The following TULP4 variants were observed in gnomAD, a reference collection of about 807,000 sequenced individuals.
TULP4 encodes the protein TUB like protein 4.
TULP4 carries 16 observed loss-of-function variants against 129.0 expected under a neutral mutation model. That is an observed-to-expected ratio of 0.12 (90% confidence interval 0.08 to 0.19). The LOEUF (loss-of-function observed/expected upper bound fraction) is 0.19. Among genes scored for constraint, TULP4 ranks in the 10% least tolerant of loss-of-function variants. The pLI, the probability that TULP4 is intolerant of heterozygous loss-of-function variation, is 1.00. For synonymous variants in TULP4, 998 were observed against 854.0 expected, an observed-to-expected ratio of 1.17 and a Z score of -2.94; for missense variants, 1,842 against 2,059.1, an observed-to-expected ratio of 0.89 and a Z score of 2.04.
chr6:158,270,481 A>T (rs992615994), intron 1 of TULP4, among the ~76,000 whole-genome samples: 3 of 151,968 alleles, frequency 2.0e-5, no homozygotes, highest in African/African-American at 7.3e-5. Context: ...CTGGACTTCG[A>T]TGAGTTTTGC....
chr6:158,427,478 T>C (rs1412036824), intron 2 of TULP4, among the ~76,000 whole-genome samples: 1 of 18,822 alleles, frequency 5.3e-5, no homozygotes, highest in Non-Finnish European at 1.5e-4. Context: ...GACCTTTTTT[T>C]TTTTTTTTTT....
At chr6:158,497,117 T>C (rs1038356234) in intron 11 of TULP4, among the ~76,000 whole-genome samples, 1 of 152,236 alleles carries the variant, frequency 6.6e-6, no homozygotes, top group Non-Finnish European at 1.5e-5. Context: ...CCTCTCAAAG[T>C]GCTGGAATTA....
intron 5 of TULP4, among the ~76,000 whole-genome samples, chr6:158,452,760 G>A (rs992340081): frequency 1.3e-5 from 2 of 152,216 alleles, no homozygotes; most frequent in Non-Finnish European, 2.9e-5. Context: ...ACTAGACTGA[G>A]GCATTGTTGT....
In TULP4 at chr6:158,407,280, C is replaced by T. The variant is rs573406797; in HGVS notation, c.253-5785C>T. On this transcript the variant is annotated intron_variant, in intron 1 of 13. Transcript: ENST00000367097. ...CCACCAAGCACATGAGAAGATGCTC[C>T]GCATCATTAACCATCAGGGAAACAC... is the stretch of plus-strand genomic sequence containing the variant. Among the ~76,000 whole-genome samples, 171 of 152,306 alleles carry T rather than the reference C, an allele frequency of 1.1e-3. 1 individual carries two copies. The highest frequency in any genetic ancestry group is 1.9e-3 in the East Asian group (10 of 5,190).
intron 1 of TULP4, among the ~76,000 whole-genome samples, chr6:158,334,142 G>A (rs765609137): frequency 1.3e-5 from 2 of 152,094 alleles, no homozygotes; most frequent in Admixed American, 6.6e-5. Flanking sequence ...CTCCTGTTTC[G>A]TGCAATACTG....
chr6:158,258,754 G>A (rs1214071660), intron 1 of TULP4, among the ~76,000 whole-genome samples: 2 of 152,182 alleles, frequency 1.3e-5, no homozygotes, highest in East Asian at 3.8e-4. Flanking sequence ...TTGAAAATTT[G>A]AACCTGCTGA....
intron 3 of TULP4, among the ~76,000 whole-genome samples, 164 bp downstream of exon 3, chr6:158,430,061 G>T (rs1373801636): frequency 6.6e-6 from 1 of 151,994 alleles, no homozygotes. Context: ...AATTCTAAAT[G>T]AACCATAAAT....
At position 158,502,090 on chromosome 6, in the gene TULP4, G is replaced by A. The variant is rs149293862; in HGVS notation, c.2427G>A (p.Pro809=). ...CAGCCAAGGCCCTGCGGCCAACACCGCAGCTGGCAGCTGAGGGGGACGCAG... is the reference window on the plus strand; with the variant it reads ...CAGCCAAGGCCCTGCGGCCAACACCACAGCTGGCAGCTGAGGGGGACGCAG... The part of the protein sequence containing the change: ...QKSAKALRPT[P]QLAAEGDAVV... Residue 809 remains proline (P), a synonymous_variant, in exon 13 of 14, where the codon CCG becomes CCA. Transcript: ENST00000367097. 118 of 1,611,322 alleles carry A rather than the reference G, an allele frequency of 7.3e-5. No homozygotes were observed. Among genetic ancestry groups the A allele is most frequent in the Non-Finnish European group, 8.9e-5 (105 of 1,178,668 alleles).
intron 1 of TULP4, among the ~76,000 whole-genome samples, chr6:158,266,334 G>A (rs1778445169): frequency 6.6e-6 from 1 of 152,240 alleles, no homozygotes; most frequent in African/African-American, 2.4e-5. Context: ...ACGACTCACT[G>A]CAGCCTTGAC....
intron 5 of TULP4, among the ~76,000 whole-genome samples, chr6:158,459,602 C>T (rs1455534248): frequency 6.9e-6 from 1 of 145,696 alleles, no homozygotes; most frequent in Non-Finnish European, 1.6e-5. Context: ...GGCAACAACC[C>T]ACTTTTCTGT....
At chr6:158,437,042 C>T (rs749829282) in intron 3 of TULP4, among the ~76,000 whole-genome samples, 5 of 152,172 alleles carry the variant, frequency 3.3e-5, no homozygotes, top group Non-Finnish European at 7.3e-5. Flanking sequence ...CAGCTAAGCA[C>T]TGTCAGATCA....
At chr6:158,429,639 T>G in intron 2 of TULP4, 97 bp from the exon 3 acceptor site, 1 of 1,355,160 alleles carries the variant, frequency 7.4e-7, no homozygotes, top group Non-Finnish European at 1.0e-6. Context: ...CATCTCCATC[T>G]TAGCCAAAAG....
chr6:158,292,726 C>T (rs1430932182), intron 1 of TULP4, among the ~76,000 whole-genome samples: 1 of 152,156 alleles, frequency 6.6e-6, no homozygotes, highest in Non-Finnish European at 1.5e-5. Flanking sequence ...TTCCCTTATA[C>T]AAACGCTATA....
chr6:158,432,867 T>C (rs1208891007), intron 3 of TULP4, among the ~76,000 whole-genome samples: 2 of 152,238 alleles, frequency 1.3e-5, no homozygotes, highest in East Asian at 3.8e-4. Flanking sequence ...CACTTTTTTG[T>C]AGTTCTTGTT....
chr6:158,325,196 C>G (rs1935435), intron 1 of TULP4, among the ~76,000 whole-genome samples: 131,143 of 152,174 alleles, frequency 0.86, 56,921 homozygotes, highest in South Asian at 0.93. Flanking sequence ...GGATAACTGA[C>G]AGTTGACAGC....
intron 1 of TULP4, among the ~76,000 whole-genome samples, chr6:158,356,793 G>C (rs1422198979): frequency 2.6e-5 from 4 of 151,344 alleles, no homozygotes; most frequent in Non-Finnish European, 5.9e-5. Flanking sequence ...AAACAGAGGG[G>C]ACCTGGAGGC....
chr6:158,364,401 T>C (rs922538045), intron 1 of TULP4, among the ~76,000 whole-genome samples: 1 of 152,154 alleles, frequency 6.6e-6, no homozygotes, highest in Non-Finnish European at 1.5e-5. Flanking sequence ...TTCTTTCCCT[T>C]TGGGTTTTTA....
intron 1 of TULP4, among the ~76,000 whole-genome samples, chr6:158,265,948 T>C (rs1014222624): frequency 8.5e-5 from 13 of 152,328 alleles, no homozygotes; most frequent in Non-Finnish European, 1.3e-4. Flanking sequence ...ATAGCCATAT[T>C]GCCTTTACCT....
chr6:158,429,200 G>A (rs576580038), intron 2 of TULP4, among the ~76,000 whole-genome samples: 18 of 152,228 alleles, frequency 1.2e-4, no homozygotes, highest in East Asian at 5.8e-4. Context: ...GTGCAGTGGC[G>A]CTATCTTGGC....
Sources: allele counts gnomAD v4.1 joint callset (sites outside exome capture counted in the v4.1 genomes callset), GRCh38; gene constraint gnomAD v4.1.1; transcripts MANE v1.5; gene names NCBI Gene and HGNC (gene_info 2026-07-23, HGNC 2026-07-21).